Variants in CTNND2 observed in about 807,000 individuals in gnomAD.
CTNND2 encodes the protein catenin delta-2.
CTNND2 carries 22 observed loss-of-function variants against 144.4 expected under a neutral mutation model. The observed-to-expected ratio is 0.15, with a 90% CI of 0.11 to 0.22. The LOEUF (loss-of-function observed/expected upper bound fraction) is 0.22. Ranked by LOEUF, CTNND2 falls within the 10% of genes least tolerant of loss-of-function variation. The pLI, the probability that CTNND2 is intolerant of heterozygous loss-of-function variation, is 1.00. For synonymous variants in CTNND2, 751 were observed against 695.6 expected (o/e 1.08, Z -1.25); for missense variants, 1,353 against 1,618.8 (o/e 0.84, Z 2.82).
rs532172132 is a variant in CTNND2, at chr5:11,703,387, T to C, written c.174+28749A>G. On this transcript the variant is annotated intron_variant, in intron 2 of 21. Transcript: ENST00000304623. ...ACAGTGTTCTTACAGTCAGGATACA[T>C]GCATGGTACCTGAATTATGTTGTTT... Among the ~76,000 whole-genome samples the C allele has an allele frequency of 1.5e-4, 23 of 152,296 alleles. No individual in the cohort carries two copies. The South Asian group carries it at 4.1e-3, about 27-fold the overall frequency.
intron 2 of CTNND2, among the ~76,000 whole-genome samples, chr5:11,581,301 G>T (rs1002431614): frequency 6.7e-6 from 1 of 150,280 alleles, no homozygotes; most frequent in Admixed American, 6.8e-5. Flanking sequence ...TCTTGGAACA[G>T]AATTCTGTAT....
At chr5:11,163,498 C>T (rs970511988) in intron 11 of CTNND2, among the ~76,000 whole-genome samples, 5 of 152,302 alleles carry the variant, frequency 3.3e-5, no homozygotes, top group Admixed American at 6.5e-5. Flanking sequence ...TTTTAAGCTG[C>T]TAAATTGTGG....
intron 1 of CTNND2, among the ~76,000 whole-genome samples, chr5:11,794,325 A>G (rs1268311424): frequency 6.6e-6 from 1 of 152,224 alleles, no homozygotes; most frequent in Non-Finnish European, 1.5e-5. Flanking sequence ...GAAAATTTAA[A>G]CACTGATCTA....
chr5:11,470,329 G>A (rs1767073935), intron 3 of CTNND2, among the ~76,000 whole-genome samples: 1 of 152,108 alleles, frequency 6.6e-6, no homozygotes, highest in South Asian at 2.1e-4. Flanking sequence ...AGCTACTCGG[G>A]AGACTGAGGC....
chr5:11,613,668 C>G (rs1210786525), intron 2 of CTNND2, among the ~76,000 whole-genome samples: 1 of 152,160 alleles, frequency 6.6e-6, no homozygotes, highest in Non-Finnish European at 1.5e-5. Context: ...ATGTAACTAG[C>G]CCATGGAATT....
At chr5:11,551,670 C>T (rs1479220193) in intron 3 of CTNND2, among the ~76,000 whole-genome samples, 1 of 152,084 alleles carries the variant, frequency 6.6e-6, no homozygotes. Flanking sequence ...GCGATCTTGG[C>T]TCACTGCAAC....
At chr5:11,187,579 T>C (rs1162119410) in intron 11 of CTNND2, among the ~76,000 whole-genome samples, 1 of 152,052 alleles carries the variant, frequency 6.6e-6, no homozygotes, top group Non-Finnish European at 1.5e-5. Context: ...CAAAAGCAAT[T>C]GCCACAAAAG....
chr5:11,602,715 T>G (rs887616866), intron 2 of CTNND2, among the ~76,000 whole-genome samples: 1 of 146,162 alleles, frequency 6.8e-6, no homozygotes, highest in African/African-American at 2.5e-5. Context: ...ATATATTATA[T>G]TATATATTTT....
chr5:11,561,962 C>G (rs923364658), intron 3 of CTNND2, among the ~76,000 whole-genome samples: 20 of 152,068 alleles, frequency 1.3e-4, no homozygotes, highest in African/African-American at 4.6e-4. Context: ...AGGAGAATCC[C>G]TTGAACCCAG....
intron 12 of CTNND2, among the ~76,000 whole-genome samples, chr5:11,135,944 A>G (rs116162189): frequency 1.3e-5 from 2 of 152,190 alleles, no homozygotes; most frequent in African/African-American, 2.4e-5. Context: ...TACTGCTATC[A>G]TCTGAATATC....
chr5:11,494,924 T>C (rs1328981582), intron 3 of CTNND2, among the ~76,000 whole-genome samples: 1 of 152,192 alleles, frequency 6.6e-6, no homozygotes, highest in Admixed American at 6.5e-5. Flanking sequence ...AAATCTTTCA[T>C]TTCATCATTA....
At chr5:11,589,084 A>C in intron 2 of CTNND2, 1 of 959,446 alleles carries the variant, frequency 1.0e-6, no homozygotes, top group Non-Finnish European at 1.2e-6. Flanking sequence ...GTCTTAAAAG[A>C]GAAAAGAATA....
rs761196573 is a variant in CTNND2, at chr5:11,384,723, G to A, written c.1119C>T (p.Ser373=). Reference sequence around the variant, plus strand: ...TGGCATACAGCTCCTGCGAGTGCTTGCTGTACTGCTCGGACGCGTGGACCA... The same window carrying A: ...TGGCATACAGCTCCTGCGAGTGCTTACTGTACTGCTCGGACGCGTGGACCA... The part of the protein sequence containing the change: ...KRLVHASEQY[S]KHSQELYATA... The change falls in exon 7 of 22, where the codon AGC becomes AGT. Residue 373 remains serine, a synonymous_variant. Transcript: ENST00000304623. This position sits in a 1 kb window ranked among gnomAD's most constrained non-coding sequence, Gnocchi z 5.2. 6.2e-7 allele frequency: 1 copy of A among 1,612,142 alleles called. No individual in the cohort carries two copies. Among genetic ancestry groups the A allele is most frequent in the Non-Finnish European group, 8.5e-7 (1 of 1,179,654 alleles).
At chr5:11,462,025 T>C (rs61758955) in intron 3 of CTNND2, among the ~76,000 whole-genome samples, 1 of 151,742 alleles carries the variant, frequency 6.6e-6, no homozygotes, top group South Asian at 2.1e-4. Flanking sequence ...GGGTAGGAGG[T>C]GATCAACACC....
At chr5:11,173,903 T>A (rs1282469819) in intron 11 of CTNND2, among the ~76,000 whole-genome samples, 1 of 152,194 alleles carries the variant, frequency 6.6e-6, no homozygotes, top group Non-Finnish European at 1.5e-5. Context: ...AACACCATTC[T>A]GGAGGCATGC....
intron 1 of CTNND2, among the ~76,000 whole-genome samples, chr5:11,879,054 C>T (rs1270753748): frequency 6.6e-6 from 1 of 152,066 alleles, no homozygotes; most frequent in Non-Finnish European, 1.5e-5. Flanking sequence ...CTGTGGTTAC[C>T]ATGGAGACAG....
chr5:11,369,688 C>A (rs1014359466), intron 7 of CTNND2, among the ~76,000 whole-genome samples: 3 of 152,176 alleles, frequency 2.0e-5, no homozygotes, highest in African/African-American at 4.8e-5. Context: ...TAAGTTATTA[C>A]ATGCAGGAGG....
At chr5:11,140,576 A>G (rs1484265078) in intron 12 of CTNND2, among the ~76,000 whole-genome samples, 1 of 152,230 alleles carries the variant, frequency 6.6e-6, no homozygotes, top group African/African-American at 2.4e-5. Context: ...ATCTGTATCT[A>G]TATTTACCAA....
At position 10,975,156 on chromosome 5, in the gene CTNND2, C is replaced by T. The variant is rs61752737; in HGVS notation, c.3418-1443G>A. Among the ~76,000 whole-genome samples, 715 of 152,274 alleles carry T rather than the reference C, an allele frequency of 4.7e-3. 6 individuals are homozygous for T. Among genetic ancestry groups the T allele is most frequent in the African/African-American group, 0.016 (670 of 41,556 alleles). Reference sequence around the variant, plus strand: ...TGCTAAGTCCAGGTCTACTGGACTGCGTTGCTAGGTTGGGGTGCCCTTTGC... The same window carrying T: ...TGCTAAGTCCAGGTCTACTGGACTGTGTTGCTAGGTTGGGGTGCCCTTTGC... On this transcript the variant is annotated intron_variant, in intron 21 of 21. Transcript: ENST00000304623.
Sources: gnomAD v4.1 joint callset for allele counts (sites outside exome capture counted in the v4.1 genomes callset) on GRCh38, gnomAD v4.1.1 for gene constraint, Gnocchi (gnomAD v3.1) non-coding constraint, MANE v1.5 for transcripts, NCBI Gene and HGNC (gene_info 2026-07-23, HGNC 2026-07-21) for gene names.